Variants in C10orf53 observed in about 807,000 individuals in gnomAD.
C10orf53 encodes the protein UPF0728 protein C10orf53.
C10orf53 carries 8 observed loss-of-function variants against 9.4 expected under a neutral mutation model. The ratio of observed to expected loss-of-function variants is 0.85; its 90% confidence interval spans 0.50 to 1.53. The LOEUF (loss-of-function observed/expected upper bound fraction) is 1.53. Among genes scored for constraint, C10orf53 ranks in the 40% most tolerant of loss-of-function variants. C10orf53 has a pLI of 0.00. For missense variants in C10orf53, 117 were observed against 117.8 expected (o/e 0.99, Z 0.03); for synonymous variants, 48 against 46.0 (o/e 1.04, Z -0.18).
intron 2 of C10orf53, 143 bp from the exon 3 acceptor site, chr10:49,694,395 T>C: frequency 2.6e-6 from 3 of 1,161,182 alleles, no homozygotes; most frequent in South Asian, 3.0e-5. Flanking sequence ...TGCAATCCAC[T>C]AACACTCTAT....
At chr10:49,704,670 G>A (rs1254058489) in intron 2 of C10orf53, among the ~76,000 whole-genome samples, 1 of 152,308 alleles carries the variant, frequency 6.6e-6, no homozygotes, top group Non-Finnish European at 1.5e-5. Context: ...CTTGAACCCA[G>A]GAGGCAGAGG....
At chr10:49,704,025 C>T (rs1840705535) in intron 2 of C10orf53, among the ~76,000 whole-genome samples, 1 of 152,174 alleles carries the variant, frequency 6.6e-6, no homozygotes, top group African/African-American at 2.4e-5. Flanking sequence ...GCCATTCCCG[C>T]CTGTCCTTAT....
chr10:49,704,289 A>G (rs1414095854), intron 2 of C10orf53, among the ~76,000 whole-genome samples: 4 of 152,228 alleles, frequency 2.6e-5, no homozygotes, highest in African/African-American at 4.8e-5. Flanking sequence ...TCCTTAACCT[A>G]CAGAGAGCTC....
intron 1 of C10orf53, among the ~76,000 whole-genome samples, chr10:49,691,129 GA>G (rs1840580371): frequency 6.6e-6 from 1 of 152,182 alleles, no homozygotes; most frequent in African/African-American, 2.4e-5. Context: ...TCTTTGACTA[GA>G]CAACCCCACA....
At chr10:49,705,283 C>T (rs950065326) in intron 2 of C10orf53, among the ~76,000 whole-genome samples, 3 of 152,132 alleles carry the variant, frequency 2.0e-5, no homozygotes, top group Non-Finnish European at 4.4e-5. Flanking sequence ...ACAGGGAGGC[C>T]TGGGGTGGCA....
At chr10:49,700,776 T>C (rs1477205293), downstream of C10orf53, among the ~76,000 whole-genome samples, 1 of 152,174 alleles carries the variant, frequency 6.6e-6, no homozygotes, top group African/African-American at 2.4e-5. Context: ...AGTCTCACCC[T>C]GGAACCTGCT....
At chr10:49,699,583 C>T (rs1216752559), downstream of C10orf53, among the ~76,000 whole-genome samples, 1 of 152,064 alleles carries the variant, frequency 6.6e-6, no homozygotes, top group Non-Finnish European at 1.5e-5. Context: ...TCACCTGCTT[C>T]TGATCAAGGA....
intron 1 of C10orf53, among the ~76,000 whole-genome samples, chr10:49,689,616 A>G (rs1266595546): frequency 6.6e-6 from 1 of 152,208 alleles, no homozygotes; most frequent in African/African-American, 2.4e-5. Flanking sequence ...GGAAACAATC[A>G]GAAAAAGGAA....
rs901421907 is a variant in C10orf53, at chr10:49,694,317, C to G, written c.218-221C>G. The G allele has an allele frequency of 4.7e-6, 3 of 638,650 alleles. No homozygotes were observed. In the African/African-American group the frequency reaches 5.5e-5, roughly 12 times the overall value. 39.6% of individuals were successfully genotyped at this position (638,650 alleles called of 1,614,324 possible). Reference sequence around the variant, plus strand: ...AGTGCATGACACTATCAGCAACATTCAAATGAGAGCTTCTGGCCTGGCAGG... The same window carrying G: ...AGTGCATGACACTATCAGCAACATTGAAATGAGAGCTTCTGGCCTGGCAGG... On this transcript the variant is annotated intron_variant, in intron 2 of 2. Transcript: ENST00000374111.
downstream of C10orf53, among the ~76,000 whole-genome samples, chr10:49,699,428 C>T (rs1053507316): frequency 1.3e-5 from 2 of 151,910 alleles, no homozygotes; most frequent in African/African-American, 4.8e-5. Flanking sequence ...TTCCTGGGCT[C>T]AAGCAATCCT....
At chr10:49,705,525 C>T (rs2132892831) in intron 2 of C10orf53, among the ~76,000 whole-genome samples, 1 of 152,120 alleles carries the variant, frequency 6.6e-6, no homozygotes, top group East Asian at 1.9e-4. Context: ...GAGAAAGATC[C>T]AAAAGCCACT....
chr10:49,693,340 G>A (rs574881762), intron 1 of C10orf53, among the ~76,000 whole-genome samples: 1 of 152,256 alleles, frequency 6.6e-6, no homozygotes, highest in South Asian at 2.1e-4. Flanking sequence ...CTAAAGATTA[G>A]AATCATTTTT....
At chr10:49,709,192 C>T (rs574139122) in exon 3 of C10orf53, 1 of 154,398 alleles carries the variant, frequency 6.5e-6, no homozygotes, top group East Asian at 1.9e-4. Context: ...GCAAGTAACC[C>T]ATGCTCCACC....
At chr10:49,707,863 T>C (rs1458277863) in intron 2 of C10orf53, among the ~76,000 whole-genome samples, 1 of 152,192 alleles carries the variant, frequency 6.6e-6, no homozygotes, top group Non-Finnish European at 1.5e-5. Flanking sequence ...TCTCAGTGGT[T>C]TTCCTTAGAA....
intron 1 of C10orf53, among the ~76,000 whole-genome samples, chr10:49,683,385 T>C (rs1408890213): frequency 6.6e-6 from 1 of 152,230 alleles, no homozygotes; most frequent in Non-Finnish European, 1.5e-5. Context: ...TTTTTTTTGT[T>C]ACTGAGTTGG....
chr10:49,694,145 G>A lies in C10orf53; in HGVS notation c.217+252G>A. The A allele has an allele frequency of 6.7e-6, 4 of 598,462 alleles. No homozygotes were observed. The South Asian group carries it at 8.9e-5, about 13-fold the overall frequency. The allele number at this position is 598,462 out of a possible 1,614,324, so 37.1% of individuals were successfully genotyped here. A position where few individuals can be genotyped will look rare whatever the true frequency, so the allele number is the denominator to read the frequency against. On this transcript the variant is annotated intron_variant, in intron 2 of 2. Coordinates refer to ENST00000374111, the MANE Select transcript of C10orf53 (RefSeq NM_001042427.3). Reference sequence around the variant, plus strand: ...GGAAGGAAAATGAAGTGAAGCCCTGGACTTCGAGGGATGTGATGGAATTAA... The same window carrying A: ...GGAAGGAAAATGAAGTGAAGCCCTGAACTTCGAGGGATGTGATGGAATTAA...
chr10:49,708,728 C>T lies in C10orf53; in HGVS notation c.*111C>T, dbSNP rs953435475. Reference sequence around the variant, plus strand: ...CTGAGTCCCCCAAAACAAAAATTGTCCCACATCTCCCGAACCTCTCCAGCT... The same window carrying T: ...CTGAGTCCCCCAAAACAAAAATTGTTCCACATCTCCCGAACCTCTCCAGCT... On this transcript the variant is annotated 3_prime_UTR_variant, in exon 3 of 3. Coordinates refer to the C10orf53 transcript ENST00000374112. The T allele has an allele frequency of 2.2e-5, 32 of 1,472,194 alleles. No individual in the cohort carries two copies. The African/African-American group carries it at 3.9e-4, about 18-fold the overall frequency. The allele number at this position is 1,472,194 out of a possible 1,614,324, so 91.2% of individuals were successfully genotyped here.
chr10:49,681,722 C>T (rs150149205), intron 1 of C10orf53, among the ~76,000 whole-genome samples: 3,756 of 152,292 alleles, frequency 0.025, 64 homozygotes, highest in Non-Finnish European at 0.039. Context: ...CTCTTTTGTC[C>T]TCACCTGGTG....
chr10:49,707,698 C>T (rs1840732426), intron 2 of C10orf53, among the ~76,000 whole-genome samples: 1 of 152,108 alleles, frequency 6.6e-6, no homozygotes, highest in South Asian at 2.1e-4. Context: ...TCTTAAACCA[C>T]TTGTTGATTG....
Sources: allele counts gnomAD v4.1 joint callset (sites outside exome capture counted in the v4.1 genomes callset), GRCh38; gene constraint gnomAD v4.1.1; transcripts MANE v1.5; gene names NCBI Gene and HGNC (gene_info 2026-07-23, HGNC 2026-07-21).